The following OSMR variants were observed in gnomAD, a reference collection of about 807,000 sequenced individuals.
OSMR encodes the protein oncostatin M receptor, also known as oncostatin-M-specific receptor subunit beta.
A neutral mutation model predicts 99.9 loss-of-function variants in OSMR; 81 were observed. The ratio of observed to expected loss-of-function variants is 0.81; its 90% confidence interval spans 0.68 to 0.97. The LOEUF (loss-of-function observed/expected upper bound fraction) is 0.97. Among genes scored for constraint, OSMR ranks in the 50% least tolerant of loss-of-function variants. The pLI is 0.00. For missense variants in OSMR, 1,099 were observed against 1,153.4 expected (o/e 0.95, Z 0.68); for synonymous variants, 406 against 410.4 (o/e 0.99, Z 0.13).
At chr5:38,885,101 T>C in intron 5 of OSMR, 2 of 758,536 alleles carry the variant, frequency 2.6e-6, no homozygotes, top group Non-Finnish European at 3.2e-6. Context: ...CATCAGCCAC[T>C]TGCATAACAT....
At chr5:38,902,059 G>A (rs1414276624) in intron 7 of OSMR, among the ~76,000 whole-genome samples, 2 of 152,186 alleles carry the variant, frequency 1.3e-5, no homozygotes, top group African/African-American at 4.8e-5. Context: ...ATGCCCTGGA[G>A]AGCCTTTTGC....
At chr5:38,880,812 C>A (rs647194) in intron 3 of OSMR, among the ~76,000 whole-genome samples, 1 of 152,006 alleles carries the variant, frequency 6.6e-6, no homozygotes, top group Non-Finnish European at 1.5e-5. Context: ...AAGGTGTAAA[C>A]GGGCCTTTGA....
At chr5:38,888,506 A>G (rs557297901) in intron 7 of OSMR, among the ~76,000 whole-genome samples, 21 of 152,326 alleles carry the variant, frequency 1.4e-4, no homozygotes, top group Non-Finnish European at 2.6e-4. Flanking sequence ...TTTAAAAGAA[A>G]CAAAAACTTC....
At chr5:38,906,876 TA>T (rs1038177515) in intron 9 of OSMR, among the ~76,000 whole-genome samples, 5 of 151,776 alleles carry the variant, frequency 3.3e-5, no homozygotes, top group Non-Finnish European at 5.9e-5. Context: ...AACCAAAAAC[TA>T]AAAAAAATAG....
chr5:38,917,510 A>G lies in OSMR; in HGVS notation c.1286-36A>G, dbSNP rs1455422659. On this transcript the variant is annotated intron_variant, in intron 9 of 17. Coordinates refer to ENST00000274276, the MANE Select transcript of OSMR (RefSeq NM_003999.3). ...GTTGAGCATATTGCTTTACATACATATTGTGACTCAAGAACTTTTCTTTGG... is the reference window on the plus strand; with the variant it reads ...GTTGAGCATATTGCTTTACATACATGTTGTGACTCAAGAACTTTTCTTTGG... The G allele has an allele frequency of 2.5e-6, 4 of 1,608,328 alleles. No homozygotes were observed. In the African/African-American group the frequency reaches 5.3e-5, roughly 22 times the overall value.
At chr5:38,868,548 T>C (rs1370204466) in intron 1 of OSMR, among the ~76,000 whole-genome samples, 1 of 152,194 alleles carries the variant, frequency 6.6e-6, no homozygotes, top group Non-Finnish European at 1.5e-5. Flanking sequence ...GGTTTTCCAC[T>C]TTTGCCTCTT....
chr5:38,945,062 TGA>T, exon 3 of OSMR: 1 of 1,593,948 alleles, frequency 6.3e-7, no homozygotes, highest in Non-Finnish European at 8.6e-7. Context: ...TGGAATATCT[TGA>T]AAGTCTGAAG....
At chr5:38,885,933 C>A in intron 6 of OSMR, 106 bp from the exon 7 acceptor site, 1 of 1,513,186 alleles carries the variant, frequency 6.6e-7, no homozygotes, top group Non-Finnish European at 8.8e-7. Flanking sequence ...TTATGGGGAA[C>A]ATAGTTTGAC....
intron 3 of OSMR, among the ~76,000 whole-genome samples, chr5:38,880,092 G>GC (rs1743158136): frequency 6.6e-6 from 1 of 152,172 alleles, no homozygotes; most frequent in South Asian, 2.1e-4. Flanking sequence ...GAGAAAGGAA[G>GC]CCCACAATTA....
chr5:38,900,920 C>A (rs946874663), intron 7 of OSMR, among the ~76,000 whole-genome samples: 6 of 152,160 alleles, frequency 3.9e-5, no homozygotes, highest in African/African-American at 1.2e-4. Context: ...ACATAAATGA[C>A]CCCATTTTGA....
intron 10 of OSMR, 104 bp from the exon 11 acceptor site, chr5:38,918,736 G>T: frequency 6.5e-7 from 1 of 1,544,836 alleles, no homozygotes; most frequent in Admixed American, 2.0e-5. Context: ...TTTCTGGTGT[G>T]TGCGTATATA....
In OSMR at chr5:38,893,244, C is replaced by G. The variant is rs147498369; in HGVS notation, c.991+7054C>G. Among the ~76,000 whole-genome samples the G allele has an allele frequency of 3.9e-5, 6 of 152,336 alleles. No homozygotes were observed. In the East Asian group the frequency reaches 1.2e-3, roughly 29 times the overall value. The stretch of plus-strand genomic sequence containing the variant: ...GTGCAAAGCCAAAAGACCTTACCCC[C>G]TCCAGATGAGAAGGAAAAAGCATAA... On this transcript the variant is annotated intron_variant, in intron 7 of 17. Transcript: ENST00000274276.
chr5:38,941,898 A>T (rs1747610729), intron 1 of OSMR: 1 of 234,342 alleles, frequency 4.3e-6, no homozygotes. Flanking sequence ...GTTAACAAAC[A>T]AGGCATCTGT....
rs376115036 is a variant in OSMR, at chr5:38,855,995, G to A, written c.-14+9608G>A. On this transcript the variant is annotated intron_variant, in intron 1 of 17. Coordinates refer to ENST00000274276, the MANE Select transcript of OSMR (RefSeq NM_003999.3). Reference sequence around the variant, plus strand: ...CTCTAGTCACACCTGGCTCCTCCTCGTTCCCTAAATCCTCCAAGCAGCCCC... The same window carrying A: ...CTCTAGTCACACCTGGCTCCTCCTCATTCCCTAAATCCTCCAAGCAGCCCC... Among the ~76,000 whole-genome samples, 94 of 152,080 alleles carry A rather than the reference G, an allele frequency of 6.2e-4. 2 individuals carry two copies. In the East Asian group the frequency reaches 8.0e-3, roughly 13 times the overall value.
At chr5:38,890,727 GAGA>G (rs1302987373) in intron 7 of OSMR, among the ~76,000 whole-genome samples, 2 of 151,870 alleles carry the variant, frequency 1.3e-5, no homozygotes, top group Admixed American at 6.6e-5. Flanking sequence ...AGAGTAAGCA[GAGA>G]AGAAGAAGAA....
At position 38,881,709 on chromosome 5, in the gene OSMR, C is replaced by G; in HGVS notation, c.363C>G (p.Ala121=). ...FVRIKSLVDD[A]KFPEPNFWSN... ...GAATAAAGAGTTTGGTGGACGATGC[C>G]AAGTTCCCTGAGCCAAATTTCTGGA... Residue 121 remains alanine, a synonymous_variant, in exon 4 of 18, where the codon GCC becomes GCG. Coordinates refer to ENST00000274276, the MANE Select transcript of OSMR (RefSeq NM_003999.3). 1 of 1,614,174 alleles carries G rather than the reference C, an allele frequency of 6.2e-7. No homozygotes were observed. The highest frequency in any genetic ancestry group is 1.1e-5 in the South Asian group (1 of 91,078).
chr5:38,846,581 C>G (rs925105123), intron 1 of OSMR, among the ~76,000 whole-genome samples, 194 bp downstream of exon 1: 1 of 152,152 alleles, frequency 6.6e-6, no homozygotes, highest in Non-Finnish European at 1.5e-5. Context: ...TCATTGCTTC[C>G]CCTACCTCTC....
At chr5:38,944,213 G>T in exon 2 of OSMR, 1 of 598,840 alleles carries the variant, frequency 1.7e-6, no homozygotes, top group Non-Finnish European at 3.1e-6. Flanking sequence ...CTCTTCAAAA[G>T]TCTGGCTTAA....
At chr5:38,852,718 ATTTTTTT>A (rs61559728) in intron 1 of OSMR, among the ~76,000 whole-genome samples, 136 of 70,658 alleles carry the variant, frequency 1.9e-3, no homozygotes, top group East Asian at 6.7e-3. Flanking sequence ...TATTGTTTTC[ATTTTTTT>A]TTTTTTTTTT....
Sources: allele counts gnomAD v4.1 joint callset (sites outside exome capture counted in the v4.1 genomes callset), GRCh38; gene constraint gnomAD v4.1.1; transcripts MANE v1.5; gene names NCBI Gene and HGNC (gene_info 2026-07-23, HGNC 2026-07-21).